The following PGK1 variants were observed in gnomAD, a reference collection of about 807,000 sequenced individuals.
PGK1 encodes phosphoglycerate kinase 1.
A neutral mutation model predicts 26.9 loss-of-function variants in PGK1; 3 were observed. The observed-to-expected ratio is 0.11, with a 90% confidence interval of 0.05 to 0.29. The LOEUF (loss-of-function observed/expected upper bound fraction) is 0.29, where lower values mean the gene tolerates loss of function less well. Among genes scored for constraint, PGK1 ranks in the 10% least tolerant of loss-of-function variants. The probability of loss-of-function intolerance (pLI) is 1.00; values close to 1 mark genes in which losing one functional copy is unlikely to be tolerated. For missense variants in PGK1, 270 were observed against 314.7 expected (o/e 0.86, Z 1.07); for synonymous variants, 125 against 115.3 (o/e 1.08, Z -0.54).
chrX:78,125,398 G>C lies in PGK1; in HGVS notation c.1186G>C (p.Gly396Arg). The C allele has an allele frequency of 8.3e-7, 1 of 1,205,441 alleles. No individual in the cohort carries two copies. The highest frequency in any genetic ancestry group is 1.1e-6 in the Non-Finnish European group (1 of 889,701). Residue 396 changes from glycine to arginine, a missense_variant, in exon 10 of 11, where the codon GGT becomes CGT. Coordinates refer to ENST00000373316, the MANE Select transcript of PGK1 (RefSeq NM_000291.4). ...EDKVSHVSTGGGASLELLEGK... is the reference protein window; with the variant it reads ...EDKVSHVSTGRGASLELLEGK... Reference sequence around the variant, plus strand: ...TAAAGTCAGCCATGTGAGCACTGGGGGTGGTGCCAGTTTGGAGCTCCTGGA... The same window carrying C: ...TAAAGTCAGCCATGTGAGCACTGGGCGTGGTGCCAGTTTGGAGCTCCTGGA...
chrX:78,111,511 G>A (rs1347071956), intron 2 of PGK1, among the ~76,000 whole-genome samples: 1 of 105,015 alleles, frequency 9.5e-6, no homozygotes, highest in South Asian at 4.2e-4. Flanking sequence ...AACTTTTTTG[G>A]TACTAAGTCT....
Position 78,111,087 on chromosome X carries a change from A to AT in PGK1, c.116+1185dup, listed in dbSNP as rs1237619807. On this transcript the variant is annotated intron_variant, in intron 2 of 10. Transcript: ENST00000373316. ...TATCCATCAAGAAGGTTTTTATTTAATTTTTTTTTTTTTTTGAGACAGGGC... is the reference window on the plus strand; with the variant it reads ...TATCCATCAAGAAGGTTTTTATTTAATTTTTTTTTTTTTTTTGAGACAGGGC... 4.2e-3 allele frequency among the ~76,000 whole-genome samples: 421 copies of AT among 99,478 alleles called. 3 individuals carry two copies. Among genetic ancestry groups the AT allele is most frequent in the African/African-American group, 0.011 (300 of 27,639 alleles). 86.4% of individuals were successfully genotyped at this position (99,478 alleles called of 115,157 possible).
At chrX:78,115,696 A>G (rs2078323327) in intron 4 of PGK1, among the ~76,000 whole-genome samples, 1 of 111,567 alleles carries the variant, frequency 9.0e-6, no homozygotes. Flanking sequence ...GGACATAAAC[A>G]TTTTCCCTTT....
chrX:78,105,440 C>T (rs149419900), intron 1 of PGK1, among the ~76,000 whole-genome samples: 18 of 111,639 alleles, frequency 1.6e-4, no homozygotes, highest in African/African-American at 5.9e-4. Flanking sequence ...CATTTTGCAA[C>T]CTTGACCTTT....
intron 2 of PGK1, among the ~76,000 whole-genome samples, chrX:78,113,012 A>G (rs1444897697): frequency 8.9e-6 from 1 of 112,229 alleles, no homozygotes; most frequent in African/African-American, 3.2e-5. Context: ...CAAAATTACA[A>G]ACTTCTGCTG....
intron 2 of PGK1, among the ~76,000 whole-genome samples, chrX:78,111,087 ATT>A (rs1237619807): frequency 1.0e-5 from 1 of 99,506 alleles, no homozygotes; most frequent in Admixed American, 1.1e-4. Context: ...TTTTTATTTA[ATT>A]TTTTTTTTTT....
At chrX:78,118,222 G>C in intron 6 of PGK1, 52 bp downstream of exon 6, 1 of 1,169,726 alleles carries the variant, frequency 8.5e-7, no homozygotes, top group Non-Finnish European at 1.2e-6. Context: ...CCTGGTAGTA[G>C]GCCATAACTT....
chrX:78,122,729 G>A, intron 6 of PGK1, 106 bp from the exon 7 acceptor site: 1 of 539,827 alleles, frequency 1.9e-6, no homozygotes, highest in Non-Finnish European at 3.3e-6. Context: ...TTGTCACTTT[G>A]AGACTTTCTC....
chrX:78,122,575 TA>T (rs199560372), intron 6 of PGK1, among the ~76,000 whole-genome samples: 9 of 109,040 alleles, frequency 8.3e-5, no homozygotes, highest in African/African-American at 2.7e-4. Flanking sequence ...TAGGTAGAAT[TA>T]AAAAAAAATG....
At chrX:78,105,659 C>T (rs1269523073) in intron 1 of PGK1, among the ~76,000 whole-genome samples, 8 of 111,639 alleles carry the variant, frequency 7.2e-5, no homozygotes, top group Non-Finnish European at 1.5e-4. Flanking sequence ...ACATGTAGCT[C>T]TCCTCTTCTC....
rs1259271024 is a variant in PGK1, at chrX:78,126,095, C to T, written c.*265C>T. ...CTAGAGTGCATATATTTATATTTTG[C>T]CTGTTAAAAAGAAAGTGAGCAGTGT... On this transcript the variant is annotated 3_prime_UTR_variant, in exon 11 of 11. Coordinates refer to ENST00000373316, the MANE Select transcript of PGK1 (RefSeq NM_000291.4). The T allele has an allele frequency of 1.0e-5, 4 of 384,097 alleles. No individual in the cohort carries two copies. Among genetic ancestry groups the T allele is most frequent in the African/African-American group, 1.0e-4 (4 of 39,628 alleles). The allele number at this position is 384,097 out of a possible 1,213,427, so 31.7% of individuals were successfully genotyped here.
chrX:78,107,907 G>A (rs1224851064), intron 1 of PGK1, among the ~76,000 whole-genome samples: 1 of 108,682 alleles, frequency 9.2e-6, no homozygotes, highest in Non-Finnish European at 1.9e-5. Flanking sequence ...TGATGGATAT[G>A]TAGTAATAAC....
chrX:78,123,360 C>T lies in PGK1; in HGVS notation c.922C>T (p.Pro308Ser). 6.6e-6 allele frequency: 8 copies of T among 1,207,311 alleles called. No homozygotes were observed. Among genetic ancestry groups the T allele is most frequent in the Non-Finnish European group, 7.9e-6 (7 of 891,707 alleles). ...CCAAGCCACTGTGGCTTCTGGCATA[C>T]CTGCTGGCTGGATGGTGAGTCACTT... The part of the protein sequence containing the change: ...TGQATVASGI[P>S]AGWMGLDCGP... The change falls in exon 8 of 11, where the codon CCT becomes TCT. Residue 308 changes from proline (P) to serine (S), a missense_variant. This residue lies in a region of PGK1 where 103 missense variants were observed against 114.6 expected (regional missense o/e 0.90). Transcript: ENST00000373316.
At chrX:78,123,108 T>C in intron 7 of PGK1, 87 bp from the exon 8 acceptor site, 8 of 788,597 alleles carry the variant, frequency 1.0e-5, no homozygotes, top group Non-Finnish European at 1.6e-5. Context: ...CTTTATATTG[T>C]ATTGTGTCTG....
At position 78,127,734 on chromosome X, in the gene PGK1, A is replaced by G. The variant is rs956581788; in HGVS notation, c.*1904A>G. 5 of 112,076 alleles carry G rather than the reference A, an allele frequency of 4.5e-5. No individual in the cohort carries two copies. The highest frequency in any genetic ancestry group is 1.3e-4 in the African/African-American group (4 of 30,826). 9.2% of individuals were successfully genotyped at this position (112,076 alleles called of 1,213,427 possible). On this transcript the variant is annotated 3_prime_UTR_variant, in exon 11 of 11. Coordinates refer to ENST00000373316, the MANE Select transcript of PGK1 (RefSeq NM_000291.4). ...AAAATTTTGGTGGTTGCTCTAAACA[A>G]AACAGAAATTTGAAAGCTCAAGTTT...
In PGK1 at chrX:78,126,060, A is replaced by G. The variant is rs1361557854; in HGVS notation, c.*230A>G. On this transcript the variant is annotated 3_prime_UTR_variant, in exon 11 of 11. Transcript: ENST00000373316. ...ATTTGAATTTTTTAGTGACTAAACC[A>G]TTGTGCATTCTAGAGTGCATATATT... The G allele has an allele frequency of 3.0e-5, 13 of 439,048 alleles. No homozygotes were observed. The South Asian group carries it at 3.5e-4, about 12-fold the overall frequency. 36.2% of individuals were successfully genotyped at this position (439,048 alleles called of 1,213,427 possible).
chrX:78,129,216 T>C lies in PGK1; in HGVS notation c.*3386T>C, dbSNP rs868935574. ...TCTGCATAAAGAGCATACCCATGTG[T>C]GTACCTATCTATCTATCTATCTATC... On this transcript the variant is annotated 3_prime_UTR_variant, in exon 11 of 11. Transcript: ENST00000373316. 1.1e-5 allele frequency: 1 copy of C among 88,332 alleles called. No individual in the cohort carries two copies. The highest frequency in any genetic ancestry group is 2.2e-5 in the Non-Finnish European group (1 of 46,177). 7.3% of individuals were successfully genotyped at this position (88,332 alleles called of 1,213,427 possible). A position where few individuals can be genotyped will look rare whatever the true frequency, so the allele number is the denominator to read the frequency against.
At chrX:78,117,483 TG>T in intron 5 of PGK1, 68 bp downstream of exon 5, 1 of 761,363 alleles carries the variant, frequency 1.3e-6, no homozygotes, top group Admixed American at 2.3e-5. Context: ...GCCCAAGCTC[TG>T]GGTTGTTTTT....
At chrX:78,105,373 C>T (rs1323613360) in intron 1 of PGK1, among the ~76,000 whole-genome samples, 1 of 111,840 alleles carries the variant, frequency 8.9e-6, no homozygotes, top group African/African-American at 3.3e-5. Context: ...TGTTCATATA[C>T]CTTAACAGGA....
Sources: allele counts gnomAD v4.1 joint callset (sites outside exome capture counted in the v4.1 genomes callset), GRCh38; gene constraint gnomAD v4.1.1; regional missense constraint gnomAD v4.1.1; transcripts MANE v1.5; gene names NCBI Gene and HGNC (gene_info 2026-07-23, HGNC 2026-07-21).